Variants in CYYR1 observed in about 807,000 individuals in gnomAD.
The protein encoded by CYYR1 is cysteine and tyrosine-rich protein 1.
Under a neutral mutation model 15.2 loss-of-function variants are expected in CYYR1, and 14 were observed. That is an observed-to-expected ratio of 0.92 (90% confidence interval 0.61 to 1.44). The LOEUF (loss-of-function observed/expected upper bound fraction) is 1.44. Among genes scored for constraint, CYYR1 ranks in the 40% most tolerant of loss-of-function variants. The probability of loss-of-function intolerance (pLI) is 0.00; values close to 1 mark genes in which losing one functional copy is unlikely to be tolerated. For synonymous variants in CYYR1, 80 were observed against 77.4 expected, an observed-to-expected ratio of 1.03 and a Z score of -0.18; for missense variants, 228 against 209.5, an observed-to-expected ratio of 1.09 and a Z score of -0.54.
At chr21:26,520,137 T>TATATATATATATATATATATATATAC (rs1320265726) in intron 2 of CYYR1, among the ~76,000 whole-genome samples, 2 of 129,754 alleles carry the variant, frequency 1.5e-5, no homozygotes, top group African/African-American at 5.9e-5. Flanking sequence ...TATATATATA[T>TATATATATATATATATATATATATAC]ATATGCAGAA....
intron 2 of CYYR1, among the ~76,000 whole-genome samples, chr21:26,561,394 T>A (rs1980189093): frequency 1.3e-5 from 2 of 152,086 alleles, no homozygotes; most frequent in Non-Finnish European, 2.9e-5. Context: ...ACCTGATTAA[T>A]CCAGAACACT....
intron 2 of CYYR1, among the ~76,000 whole-genome samples, chr21:26,560,449 C>G (rs1232932790): frequency 6.6e-6 from 1 of 152,122 alleles, no homozygotes; most frequent in Non-Finnish European, 1.5e-5. Flanking sequence ...CTGGCCAGGA[C>G]TTCCAGTACA....
intron 2 of CYYR1, among the ~76,000 whole-genome samples, chr21:26,491,010 A>G (rs1475808359): frequency 6.6e-6 from 1 of 152,208 alleles, no homozygotes; most frequent in African/African-American, 2.4e-5. Context: ...GAAAGGCAAG[A>G]GTGTAGAATG....
intron 2 of CYYR1, among the ~76,000 whole-genome samples, chr21:26,501,198 C>T (rs762199197): frequency 3.3e-5 from 5 of 152,076 alleles, no homozygotes; most frequent in African/African-American, 7.2e-5. Flanking sequence ...ATTAGCTGGG[C>T]GTGGTGGCAC....
chr21:26,562,081 G>C (rs184102005), intron 2 of CYYR1, among the ~76,000 whole-genome samples: 105 of 152,324 alleles, frequency 6.9e-4, no homozygotes, highest in African/African-American at 2.3e-3. Context: ...ATGAAGCAGA[G>C]TTGCTGAATC....
intron 3 of CYYR1, among the ~76,000 whole-genome samples, chr21:26,469,474 T>A (rs976997982): frequency 9.2e-5 from 14 of 152,230 alleles, no homozygotes; most frequent in Non-Finnish European, 1.9e-4. Flanking sequence ...AGAAAGTTTT[T>A]AAATTTTAAA....
intron 2 of CYYR1, among the ~76,000 whole-genome samples, chr21:26,542,197 A>G (rs1475916199): frequency 7.0e-6 from 1 of 143,408 alleles, no homozygotes; most frequent in African/African-American, 2.5e-5. Flanking sequence ...AAGATATTCT[A>G]TTATACCATG....
In CYYR1 at chr21:26,477,947, T is replaced by C. The variant is rs78818589; in HGVS notation, c.334+2325A>G. On this transcript the variant is annotated intron_variant, in intron 3 of 3. Transcript: ENST00000652641. ...AATTGCATGTTACTTTTGTAGTGAG[T>C]ACATTCCAGGGTGAAACTTAAAGTC... The C allele has an allele frequency of 8.6e-6, 12 of 1,403,118 alleles. No homozygotes were observed. The East Asian group carries it at 2.7e-4, about 31-fold the overall frequency. 86.9% of individuals were successfully genotyped at this position (1,403,118 alleles called of 1,614,324 possible).
In CYYR1 at chr21:26,515,530, T is replaced by G. The variant is rs543710307; in HGVS notation, c.177-35101A>C. Among the ~76,000 whole-genome samples the G allele has an allele frequency of 5.8e-4, 89 of 152,182 alleles. 1 individual carries two copies. Among genetic ancestry groups the G allele is most frequent in the African/African-American group, 2.0e-3 (83 of 41,534 alleles). On this transcript the variant is annotated intron_variant, in intron 2 of 3. Coordinates refer to ENST00000652641, the MANE Select transcript of CYYR1 (RefSeq NM_001320768.2). ...CACATACCATCATGCCCGGCTAATTTTTTGTACTTTTTGTAGAGATGGGGT... is the reference window on the plus strand; with the variant it reads ...CACATACCATCATGCCCGGCTAATTGTTTGTACTTTTTGTAGAGATGGGGT...
chr21:26,548,749 CT>C (rs1228219686), intron 2 of CYYR1, among the ~76,000 whole-genome samples: 4 of 152,176 alleles, frequency 2.6e-5, no homozygotes, highest in Admixed American at 2.6e-4. Context: ...CCCTAATTTT[CT>C]ACCCACTGGA....
intron 1 of CYYR1, among the ~76,000 whole-genome samples, chr21:26,572,571 T>C (rs539097264): frequency 6.6e-6 from 1 of 152,286 alleles, no homozygotes; most frequent in African/African-American, 2.4e-5. Context: ...TTTATTTGGA[T>C]ATAGTTTACT....
chr21:26,517,562 A>C (rs2065748690), intron 2 of CYYR1, among the ~76,000 whole-genome samples: 1 of 152,178 alleles, frequency 6.6e-6, no homozygotes, highest in Non-Finnish European at 1.5e-5. Context: ...GAGCCCAGAC[A>C]GTTCTTTTTT....
chr21:26,526,686 C>T (rs2123585369), intron 2 of CYYR1, among the ~76,000 whole-genome samples: 1 of 152,282 alleles, frequency 6.6e-6, no homozygotes, highest in African/African-American at 2.4e-5. Flanking sequence ...TTTCTTCCAC[C>T]TTGGTATCCT....
chr21:26,491,471 T>C (rs939279980), intron 2 of CYYR1, among the ~76,000 whole-genome samples: 51 of 152,198 alleles, frequency 3.4e-4, no homozygotes, highest in Admixed American at 7.2e-4. Context: ...GAATGCGATA[T>C]GAAAATTCAG....
At chr21:26,495,360 C>G (rs994405006) in intron 2 of CYYR1, among the ~76,000 whole-genome samples, 1 of 152,176 alleles carries the variant, frequency 6.6e-6, no homozygotes, top group Non-Finnish European at 1.5e-5. Flanking sequence ...AATATCTGCG[C>G]TAGGCTCTAC....
chr21:26,507,031 C>CA (rs1308734963), intron 2 of CYYR1, among the ~76,000 whole-genome samples: 1 of 152,148 alleles, frequency 6.6e-6, no homozygotes, highest in South Asian at 2.1e-4. Flanking sequence ...TCAAAAAAAT[C>CA]AAAGAGTAGC....
Position 26,466,723 on chromosome 21 carries a change from A to T in CYYR1, c.*1778T>A, listed in dbSNP as rs2064971878. 1 of 152,202 alleles carries T rather than the reference A, an allele frequency of 6.6e-6. No individual in the cohort carries two copies. Among genetic ancestry groups the T allele is most frequent in the Admixed American group, 6.6e-5 (1 of 15,258 alleles). 9.4% of individuals were successfully genotyped at this position (152,202 alleles called of 1,614,324 possible). ...CTTAGCCACAGTGTAATTGGGTCTG[A>T]CCACACGCAGAAGAAAAATAAATTA... On this transcript the variant is annotated 3_prime_UTR_variant, in exon 4 of 4. Coordinates refer to ENST00000652641, the MANE Select transcript of CYYR1 (RefSeq NM_001320768.2).
At chr21:26,556,326 A>C (rs1430355566) in intron 2 of CYYR1, among the ~76,000 whole-genome samples, 1 of 152,154 alleles carries the variant, frequency 6.6e-6, no homozygotes, top group African/African-American at 2.4e-5. Context: ...TGGATCCTTC[A>C]ATCTATTAGG....
chr21:26,538,112 C>T (rs959670296), intron 2 of CYYR1, among the ~76,000 whole-genome samples: 5 of 152,214 alleles, frequency 3.3e-5, no homozygotes, highest in Middle Eastern at 3.2e-3. Flanking sequence ...GGCAAGAGCA[C>T]ATTACTGGCG....
Sources: allele counts gnomAD v4.1 joint callset (sites outside exome capture counted in the v4.1 genomes callset), GRCh38; gene constraint gnomAD v4.1.1; transcripts MANE v1.5; gene names NCBI Gene and HGNC (gene_info 2026-07-23, HGNC 2026-07-21).